CLEC16A: variants seen among roughly 807,000 people sequenced by gnomAD.
CLEC16A encodes C-type lectin domain containing 16A.
In CLEC16A, 51 loss-of-function variants were observed where a neutral mutation model predicts 109.5. That is an observed-to-expected ratio of 0.47 (90% CI 0.37 to 0.59). The LOEUF is 0.59. Among genes scored for constraint, CLEC16A ranks in the 20% least tolerant of loss-of-function variants. The pLI is 0.00. For missense variants in CLEC16A, 1,339 were observed against 1,394.0 expected (o/e 0.96, Z 0.63); for synonymous variants, 673 against 564.2 (o/e 1.19, Z -2.73).
chr16:11,165,073 C>G (rs151328830), intron 22 of CLEC16A, among the ~76,000 whole-genome samples: 1 of 152,174 alleles, frequency 6.6e-6, no homozygotes, highest in Non-Finnish European at 1.5e-5. Context: ...TTCTGTGCCA[C>G]GAAGCACCAT....
At chr16:10,972,616 C>G (rs2042847863) in intron 6 of CLEC16A, 57 bp downstream of exon 6, 1 of 1,497,766 alleles carries the variant, frequency 6.7e-7, no homozygotes, top group South Asian at 1.2e-5. Flanking sequence ...ATGTAAATAC[C>G]TTGCTTGAGA....
At chr16:11,123,985 T>C in intron 21 of CLEC16A, 39 bp downstream of exon 21, 1 of 1,551,920 alleles carries the variant, frequency 6.4e-7, no homozygotes, top group South Asian at 1.2e-5. Context: ...CTCTGAGCAC[T>C]TGGTGGGTCA....
At chr16:11,167,857 A>G (rs1356905353) in intron 23 of CLEC16A, among the ~76,000 whole-genome samples, 1 of 152,084 alleles carries the variant, frequency 6.6e-6, no homozygotes, top group East Asian at 1.9e-4. Flanking sequence ...GTAGCTGGGA[A>G]ACTCCAGCAG....
chr16:10,986,885 GCTCTGT>G (rs1344586257), intron 10 of CLEC16A, among the ~76,000 whole-genome samples: 18 of 151,348 alleles, frequency 1.2e-4, no homozygotes, highest in Non-Finnish European at 2.2e-4. Context: ...ACAGAGTCTG[GCTCTGT>G]CGCCCAGGCT....
At chr16:11,074,519 G>A (rs1483452067) in intron 19 of CLEC16A, among the ~76,000 whole-genome samples, 1 of 152,140 alleles carries the variant, frequency 6.6e-6, no homozygotes, top group Non-Finnish European at 1.5e-5. Flanking sequence ...GCTGTTTCCT[G>A]TGTATTGATT....
chr16:11,047,293 G>T lies in CLEC16A; in HGVS notation c.1817G>T (p.Gly606Val). ...SVHLVRHFYKGEDIFLDMFED... is the reference protein window; with the variant it reads ...SVHLVRHFYKVEDIFLDMFED... ...TTCCCTCCCTTCCTTTCTTTTTAGG[G>T]AGAAGACATTTTTTTGGACATGTTT... The change falls in exon 17 of 24, where the codon GGA becomes GTA. Residue 606 changes from glycine to valine, a missense_variant and splice_region_variant. Physicochemically the swap from Gly to Val is moderately radical, Grantham distance 109 (BLOSUM62 -3). This residue lies in a region of CLEC16A where 1,061 missense variants were observed against 1,006.8 expected (regional missense o/e 1.05). Transcript: ENST00000409790. 6.2e-7 allele frequency: 1 copy of T among 1,609,026 alleles called. No homozygotes were observed.
At chr16:11,006,244 C>T (rs1445227084) in intron 11 of CLEC16A, among the ~76,000 whole-genome samples, 1 of 152,128 alleles carries the variant, frequency 6.6e-6, no homozygotes, top group Admixed American at 6.5e-5. Context: ...TATTCTGGAC[C>T]GATTGGCCTG....
chr16:10,947,232 G>C (rs1388438620), intron 1 of CLEC16A, among the ~76,000 whole-genome samples: 1 of 152,210 alleles, frequency 6.6e-6, no homozygotes, highest in African/African-American at 2.4e-5. Context: ...CAGTGACTTG[G>C]AAAAGAGTTT....
rs2146065518 is a variant in CLEC16A, at chr16:10,961,549, T to C, written c.210-906T>C. Among the ~76,000 whole-genome samples the C allele has an allele frequency of 6.6e-6, 1 of 152,298 alleles. No homozygotes were observed. The highest frequency in any genetic ancestry group is 2.1e-4 in the South Asian group (1 of 4,818). On this transcript the variant is annotated intron_variant, in intron 2 of 23. Transcript: ENST00000409790. This position sits in a 1 kb window ranked among gnomAD's most constrained non-coding sequence, Gnocchi z 4.3. ...GAAAGGCACTGGATGGTCTGTTTCC[T>C]TTTCAAGACTGAAAGAGCCAACGTG...
chr16:11,026,966 G>T (rs564305194), intron 13 of CLEC16A: 2 of 1,465,992 alleles, frequency 1.4e-6, no homozygotes, highest in East Asian at 2.3e-5. Context: ...AACAGCGCGC[G>T]TGCTGTCTTT....
In CLEC16A at chr16:11,051,720, T is replaced by C. The variant is rs553185690; in HGVS notation, c.1995+79T>C. On this transcript the variant is annotated intron_variant, in intron 18 of 23. Transcript: ENST00000409790. ...CCCAGACCAGGGAGGAAAGGGCTTC[T>C]TTGTCAAAGTCAAGAGCCTGCCCTC... 11 of 1,562,514 alleles carry C rather than the reference T, an allele frequency of 7.0e-6. No individual in the cohort carries two copies. In the South Asian group the frequency reaches 1.1e-4, roughly 16 times the overall value.
intron 1 of CLEC16A, among the ~76,000 whole-genome samples, chr16:10,953,978 A>AC (rs1181941250): frequency 1.4e-5 from 1 of 73,792 alleles, no homozygotes; most frequent in Non-Finnish European, 4.1e-5. Context: ...CTCCGTCTCA[A>AC]AAAAAAAAAA....
At position 10,969,262 on chromosome 16, in the gene CLEC16A, C is replaced by T. The variant is rs755206954; in HGVS notation, c.445C>T (p.Leu149Phe). ...MAYYISFLKT[L>F]SLKLNNHTVH... ...CTATTATATATCGTTCCTGAAAACACTTTCGTTAAAACTCAACAACCACAC... is the reference window on the plus strand; with the variant it reads ...CTATTATATATCGTTCCTGAAAACATTTTCGTTAAAACTCAACAACCACAC... The change falls in exon 4 of 24, where the codon CTT (leucine) becomes TTT (phenylalanine). Residue 149 changes from leucine (L) to phenylalanine (F), a missense_variant. Physicochemically the swap from Leu to Phe is conservative, Grantham distance 22 (BLOSUM62 0). Around this residue, in one of 3 missense-constraint regions of CLEC16A, gnomAD observed 161 missense variants for 267.1 expected, o/e 0.60. Coordinates refer to ENST00000409790, the MANE Select transcript of CLEC16A (RefSeq NM_015226.3). 6.2e-7 allele frequency: 1 copy of T among 1,611,504 alleles called. No homozygotes were observed. Among genetic ancestry groups the T allele is most frequent in the African/African-American group, 1.3e-5 (1 of 74,682 alleles).
intron 17 of CLEC16A, among the ~76,000 whole-genome samples, chr16:11,050,052 G>A (rs2047855583): frequency 6.6e-6 from 1 of 152,130 alleles, no homozygotes; most frequent in South Asian, 2.1e-4. Context: ...ATAAAAAAAA[G>A]AAATTTCTTA....
intron 13 of CLEC16A, among the ~76,000 whole-genome samples, chr16:11,035,767 A>G (rs1016614332): frequency 6.6e-6 from 1 of 152,210 alleles, no homozygotes; most frequent in African/African-American, 2.4e-5. Context: ...CCTTCCTTCC[A>G]AAGACACTCT....
intron 10 of CLEC16A, among the ~76,000 whole-genome samples, chr16:10,995,783 T>C (rs2044291444): frequency 6.6e-6 from 1 of 152,196 alleles, no homozygotes; most frequent in Non-Finnish European, 1.5e-5. Flanking sequence ...CAGGTCTGCC[T>C]GGGCATGTTT....
At chr16:10,959,363 C>G (rs1056541137) in intron 2 of CLEC16A, among the ~76,000 whole-genome samples, 2 of 152,112 alleles carry the variant, frequency 1.3e-5, no homozygotes, top group Admixed American at 1.3e-4. Flanking sequence ...ATATACAGAC[C>G]TAGTTCCTTT....
chr16:11,115,419 C>A (rs76706308), intron 19 of CLEC16A, among the ~76,000 whole-genome samples: 1 of 152,074 alleles, frequency 6.6e-6, no homozygotes, highest in Non-Finnish European at 1.5e-5. Flanking sequence ...TCACCCAGAC[C>A]GGAGTTCAGT....
Position 11,071,372 on chromosome 16 carries a change from C to A in CLEC16A, c.2116+10350C>A, listed in dbSNP as rs1362917398. ...ACGGAACATTCTAGAAGACAGCCGACCTGAGTTTTTCAAGAATGTAAATGT... is the reference window on the plus strand; with the variant it reads ...ACGGAACATTCTAGAAGACAGCCGAACTGAGTTTTTCAAGAATGTAAATGT... On this transcript the variant is annotated intron_variant, in intron 19 of 23. Coordinates refer to ENST00000409790, the MANE Select transcript of CLEC16A (RefSeq NM_015226.3). Among the ~76,000 whole-genome samples, 4 of 152,016 alleles carry A rather than the reference C, an allele frequency of 2.6e-5. No individual in the cohort carries two copies. In the East Asian group the frequency reaches 7.7e-4, roughly 29 times the overall value.
Sources: gnomAD v4.1 joint callset for allele counts (sites outside exome capture counted in the v4.1 genomes callset) on GRCh38, gnomAD v4.1.1 for gene constraint, gnomAD v4.1.1 regional missense constraint, Gnocchi (gnomAD v3.1) non-coding constraint, MANE v1.5 for transcripts, NCBI Gene and HGNC (gene_info 2026-07-23, HGNC 2026-07-21) for gene names.